The following ATP10B variants were observed in gnomAD, a reference collection of about 807,000 sequenced individuals.
ATP10B encodes the protein phospholipid-transporting ATPase VB.
ATP10B carries 122 observed loss-of-function variants against 141.2 expected under a neutral mutation model. That is an observed-to-expected ratio of 0.86 (90% CI 0.75 to 1.00). The LOEUF (loss-of-function observed/expected upper bound fraction) is 1.00. Ranked by LOEUF, ATP10B falls within the 50% of genes least tolerant of loss-of-function variation. ATP10B has a pLI of 0.00. For synonymous variants in ATP10B, 685 were observed against 692.0 expected (o/e 0.99, Z 0.16); for missense variants, 1,876 against 1,825.3 (o/e 1.03, Z -0.51).
intron 13 of ATP10B, among the ~76,000 whole-genome samples, chr5:160,631,696 T>C (rs929713308): frequency 3.9e-5 from 6 of 152,212 alleles, no homozygotes; most frequent in Non-Finnish European, 8.8e-5. Context: ...TGTATAATTT[T>C]AAAAACATGC....
intron 1 of ATP10B, among the ~76,000 whole-genome samples, chr5:160,837,733 C>T (rs142200159): frequency 4.0e-4 from 61 of 152,192 alleles, no homozygotes; most frequent in African/African-American, 1.3e-3. Context: ...TATTATCCTG[C>T]GTTTTTCAAA....
chr5:160,653,796 G>T (rs191399066), intron 7 of ATP10B, among the ~76,000 whole-genome samples: 2 of 110,046 alleles, frequency 1.8e-5, no homozygotes, highest in African/African-American at 7.3e-5. Flanking sequence ...ATATTATATA[G>T]ACGTATATAC....
chr5:160,572,269 G>A (rs535736152), intron 24 of ATP10B, among the ~76,000 whole-genome samples: 10 of 151,854 alleles, frequency 6.6e-5, no homozygotes, highest in South Asian at 4.2e-4. Flanking sequence ...ACCTAGCGCC[G>A]TTTCCTGAAG....
At chr5:160,879,533 A>G in the ATP10B span, among the ~76,000 whole-genome samples, 1 of 136,874 alleles carries the variant, frequency 7.3e-6, no homozygotes, top group Non-Finnish European at 1.6e-5. Flanking sequence ...ACTTAAAGTA[A>G]AATTAAAAAA....
chr5:160,686,127 T>C lies in ATP10B; in HGVS notation c.422A>G (p.His141Arg), dbSNP rs375763118. 5 of 1,604,826 alleles carry C rather than the reference T, an allele frequency of 3.1e-6. No individual in the cohort carries two copies. Among genetic ancestry groups the C allele is most frequent in the Non-Finnish European group, 4.3e-6 (5 of 1,174,730 alleles). ...GCAGTTTATTGCTTTATCAAAGCGG[T>C]GTCTCTTGAAGTCCTCCATGCCATC... is the stretch of plus-strand genomic sequence containing the variant. ...IKDGMEDFKR[H>R]RFDKAINCSN... The change falls in exon 6 of 26, where the codon CAC (histidine) becomes CGC (arginine). Residue 141 changes from histidine to arginine, a missense_variant. His to Arg is a conservative substitution (Grantham distance 29). Coordinates refer to ENST00000327245, the MANE Select transcript of ATP10B (RefSeq NM_025153.3).
chr5:160,779,416 C>T (rs1213928745), intron 2 of ATP10B, among the ~76,000 whole-genome samples: 3 of 152,134 alleles, frequency 2.0e-5, no homozygotes, highest in African/African-American at 4.8e-5. Flanking sequence ...TGAGTTTCCT[C>T]TTGCTAACCA....
intron 24 of ATP10B, among the ~76,000 whole-genome samples, chr5:160,570,167 C>A (rs1032822500): frequency 6.6e-6 from 1 of 151,536 alleles, no homozygotes; most frequent in African/African-American, 2.4e-5. Context: ...CCATCCTTGT[C>A]TTTTATTTTT....
chr5:160,811,634 G>A (rs1581577024), intron 1 of ATP10B, among the ~76,000 whole-genome samples: 1 of 152,220 alleles, frequency 6.6e-6, no homozygotes, highest in East Asian at 1.9e-4. Context: ...ATTAGAGTGG[G>A]AAGTACTGTG....
At chr5:160,749,568 T>C (rs1030868823) in intron 2 of ATP10B, among the ~76,000 whole-genome samples, 8 of 152,040 alleles carry the variant, frequency 5.3e-5, no homozygotes, top group Non-Finnish European at 7.4e-5. Flanking sequence ...CTCCAATACA[T>C]AGAAGGAAAA....
chr5:160,921,274 G>GT, the ATP10B span, among the ~76,000 whole-genome samples: 518 of 121,702 alleles, frequency 4.3e-3, 3 homozygotes, highest in East Asian at 0.048. Context: ...TCAGCACTTT[G>GT]TTTTTTTTTT....
intron 13 of ATP10B, among the ~76,000 whole-genome samples, chr5:160,622,851 A>T (rs964610977): frequency 6.6e-6 from 1 of 151,746 alleles, no homozygotes; most frequent in East Asian, 1.9e-4. Flanking sequence ...CCATGCTGAG[A>T]CCCTCTACCC....
chr5:160,575,125 G>C (rs545340536), intron 24 of ATP10B, among the ~76,000 whole-genome samples: 1 of 152,142 alleles, frequency 6.6e-6, no homozygotes, highest in South Asian at 2.1e-4. Flanking sequence ...ATAGGATTTG[G>C]CTTATTCAGG....
the ATP10B span, among the ~76,000 whole-genome samples, chr5:160,887,645 A>T: frequency 6.6e-6 from 1 of 152,038 alleles, no homozygotes; most frequent in South Asian, 2.1e-4. Flanking sequence ...CCCCTCACTC[A>T]TGTTTCTCCA....
chr5:160,747,853 C>T (rs1462729283), intron 2 of ATP10B, among the ~76,000 whole-genome samples: 3 of 152,092 alleles, frequency 2.0e-5, no homozygotes, highest in Admixed American at 1.3e-4. Flanking sequence ...CTTTGTCCTC[C>T]CTTTGCTTTC....
At chr5:160,731,168 TAA>T (rs1766714465) in intron 2 of ATP10B, among the ~76,000 whole-genome samples, 5 of 152,206 alleles carry the variant, frequency 3.3e-5, no homozygotes, top group Admixed American at 3.3e-4. Flanking sequence ...TTTTAAATAT[TAA>T]AAGTCTTAAA....
intron 24 of ATP10B, among the ~76,000 whole-genome samples, chr5:160,571,780 A>G (rs4921304): frequency 0.84 from 128,274 of 152,222 alleles, 54,575 homozygotes; most frequent in African/African-American, 0.96. Context: ...TCACCCAGGT[A>G]ACATGAACCT....
At chr5:160,588,137 CG>C (rs1333526802) in intron 24 of ATP10B, among the ~76,000 whole-genome samples, 1 of 152,166 alleles carries the variant, frequency 6.6e-6, no homozygotes, top group Non-Finnish European at 1.5e-5. Context: ...TGTGAGCCGC[CG>C]CACCTGCCCT....
In ATP10B at chr5:160,785,713, G is replaced by A. The variant is rs1484625834; in HGVS notation, c.-485C>T. Reference sequence around the variant, plus strand: ...GTTCATTATCTCCACTGAGTGAGATGAATAATAGGAAAAACTACTTACTCT... The same window carrying A: ...GTTCATTATCTCCACTGAGTGAGATAAATAATAGGAAAAACTACTTACTCT... On this transcript the variant is annotated 5_prime_UTR_variant, in exon 2 of 26. Coordinates refer to ENST00000327245, the MANE Select transcript of ATP10B (RefSeq NM_025153.3). The A allele has an allele frequency of 7.8e-7, 1 of 1,276,522 alleles. No individual in the cohort carries two copies. Among genetic ancestry groups the A allele is most frequent in the Non-Finnish European group, 1.0e-6 (1 of 982,558 alleles). The allele number at this position is 1,276,522 out of a possible 1,614,324, so 79.1% of individuals were successfully genotyped here. A position where few individuals can be genotyped will look rare whatever the true frequency, so the allele number is the denominator to read the frequency against.
chr5:160,831,352 C>T (rs949225598), intron 1 of ATP10B, among the ~76,000 whole-genome samples: 2 of 151,998 alleles, frequency 1.3e-5, no homozygotes, highest in African/African-American at 4.8e-5. Context: ...GATTACTGAA[C>T]TTTCCTAGTT....
Sources: allele counts gnomAD v4.1 joint callset (sites outside exome capture counted in the v4.1 genomes callset), GRCh38; gene constraint gnomAD v4.1.1; transcripts MANE v1.5; gene names NCBI Gene and HGNC (gene_info 2026-07-23, HGNC 2026-07-21).